ZMYND11: variants seen among roughly 807,000 people sequenced by gnomAD.
The protein encoded by ZMYND11 is zinc finger MYND domain-containing protein 11.
Under a neutral mutation model 84.9 loss-of-function variants are expected in ZMYND11, and 9 were observed. The observed-to-expected ratio is 0.11, with a 90% confidence interval of 0.06 to 0.18. ZMYND11 has a LOEUF of 0.18. Ranked by LOEUF, ZMYND11 falls within the 10% of genes least tolerant of loss-of-function variation. The probability of loss-of-function intolerance (pLI) is 1.00; values close to 1 mark genes in which losing one functional copy is unlikely to be tolerated. For missense variants in ZMYND11, 409 were observed against 761.0 expected (o/e 0.54, Z 5.44); for synonymous variants, 250 against 244.1 (o/e 1.02, Z -0.23).
intron 1 of ZMYND11, among the ~76,000 whole-genome samples, chr10:138,880 G>T (rs1836790732): frequency 6.6e-6 from 1 of 152,098 alleles, no homozygotes; most frequent in Non-Finnish European, 1.5e-5. Flanking sequence ...CTCTCGCTCT[G>T]TCGCCCAGGC....
At position 240,099 on chromosome 10, in the gene ZMYND11, C is replaced by CA; in HGVS notation, c.742dup (p.Thr248AsnfsTer4). 1 of 1,610,910 alleles carries CA rather than the reference C, an allele frequency of 6.2e-7. No individual in the cohort carries two copies. The stretch of plus-strand genomic sequence containing the variant: ...ACATTGCGAGGATGCTATATAAAGA[C>CA]ACATGTCATGAGGTACTATTCATTG... On this transcript the variant is annotated frameshift_variant, in exon 8 of 15. Coordinates refer to ENST00000381604, the MANE Select transcript of ZMYND11 (RefSeq NM_001370100.5). LOFTEE classifies it high-confidence loss of function.
intron 2 of ZMYND11, among the ~76,000 whole-genome samples, chr10:183,488 C>G (rs968469306): frequency 1.3e-5 from 2 of 152,098 alleles, no homozygotes; most frequent in African/African-American, 2.4e-5. Context: ...GACGCTAGAT[C>G]CAGGAACTCA....
chr10:221,031 A>G (rs557393242), intron 3 of ZMYND11, among the ~76,000 whole-genome samples, 164 bp from the exon 4 acceptor site: 2 of 152,330 alleles, frequency 1.3e-5, no homozygotes, highest in East Asian at 1.9e-4. Context: ...TTTAAAATTT[A>G]AAGCAGCAAC....
At chr10:142,755 G>A (rs1209482199) in intron 1 of ZMYND11, among the ~76,000 whole-genome samples, 1 of 152,182 alleles carries the variant, frequency 6.6e-6, no homozygotes, top group African/African-American at 2.4e-5. Flanking sequence ...ATAAAAGCAG[G>A]AGGTAGAAAG....
At chr10:245,808 C>G (rs1429533407) in intron 10 of ZMYND11, among the ~76,000 whole-genome samples, 2 of 152,176 alleles carry the variant, frequency 1.3e-5, no homozygotes, top group Admixed American at 6.5e-5. Context: ...TTCTTTCTGA[C>G]AAAATTGTAA....
intron 1 of ZMYND11, among the ~76,000 whole-genome samples, chr10:179,235 A>G (rs1429626053): frequency 1.3e-5 from 2 of 152,172 alleles, no homozygotes; most frequent in African/African-American, 2.4e-5. Context: ...CCGGACATCC[A>G]GGGTTTAACC....
intron 1 of ZMYND11, among the ~76,000 whole-genome samples, chr10:177,765 C>T (rs1315505283): frequency 6.6e-6 from 1 of 151,982 alleles, no homozygotes; most frequent in Non-Finnish European, 1.5e-5. Context: ...GTTACCTATA[C>T]CTATATGTAT....
intron 11 of ZMYND11, 162 bp downstream of exon 11, chr10:247,135 A>T: frequency 2.5e-6 from 2 of 802,696 alleles, no homozygotes; most frequent in Non-Finnish European, 4.0e-6. Flanking sequence ...GTTCAAATGA[A>T]TACATAGATG....
intron 3 of ZMYND11, 109 bp downstream of exon 3, chr10:210,157 A>C: frequency 8.0e-7 from 1 of 1,242,304 alleles, no homozygotes; most frequent in Non-Finnish European, 1.1e-6. Flanking sequence ...ATTTCATTTT[A>C]ACATTTGTAT....
intron 1 of ZMYND11, among the ~76,000 whole-genome samples, chr10:136,579 C>G (rs1400584072): frequency 6.6e-6 from 1 of 152,104 alleles, no homozygotes; most frequent in East Asian, 1.9e-4. Context: ...CAGTAGGTGC[C>G]TGGTACCCTG....
rs1835771974 is a variant in ZMYND11, at chr10:135,602, G to T, written c.-20+43G>T. 6.7e-6 allele frequency: 1 copy of T among 150,146 alleles called. No homozygotes were observed. Among genetic ancestry groups the T allele is most frequent in the African/African-American group, 2.4e-5 (1 of 40,978 alleles). 9.3% of individuals were successfully genotyped at this position (150,146 alleles called of 1,614,324 possible). A position where few individuals can be genotyped will look rare whatever the true frequency, so the allele number is the denominator to read the frequency against. ...GCGGGGCGGCGGGGCGGGCGGGGGC[G>T]TCCGTGGAGATGGCGCGGCCCGCGC... On this transcript the variant is annotated intron_variant, in intron 1 of 14. Transcript: ENST00000381604. The surrounding 1 kb of genome is among the most constrained non-coding windows in gnomAD (Gnocchi z 5.6).
chr10:248,506 G>A lies in ZMYND11; in HGVS notation c.1398G>A (p.Met466Ile). 1 of 1,614,148 alleles carries A rather than the reference G, an allele frequency of 6.2e-7. No individual in the cohort carries two copies. Among genetic ancestry groups the A allele is most frequent in the African/African-American group, 1.3e-5 (1 of 75,026 alleles). Reference protein sequence around the residue: ...QTTNDGVCQSMCHDKYTKIFN... With the variant: ...QTTNDGVCQSICHDKYTKIFN... ...CAAACGACGGCGTGTGTCAGAGCAT[G>A]TGCCATGACAAATACACCAAGATCT... is the stretch of plus-strand genomic sequence containing the variant. Residue 466 changes from methionine (M) to isoleucine (I), a missense_variant, in exon 13 of 15, where the codon ATG becomes ATA. By Grantham distance (10) the Met-to-Ile change is conservative. Around this residue, in one of 7 missense-constraint regions of ZMYND11, gnomAD observed 141 missense variants for 173.8 expected, o/e 0.81. Transcript: ENST00000381604.
At chr10:218,429 A>G in intron 3 of ZMYND11, 1 of 291,750 alleles carries the variant, frequency 3.4e-6, no homozygotes, top group Non-Finnish European at 7.2e-6. Flanking sequence ...AGCGAGACCA[A>G]GATTATTTTG....
chr10:187,410 G>A (rs1176022640), intron 2 of ZMYND11, among the ~76,000 whole-genome samples: 5 of 152,068 alleles, frequency 3.3e-5, no homozygotes, highest in South Asian at 4.1e-4. Flanking sequence ...CGAGGCGGGC[G>A]GATCACAAGG....
chr10:172,951 T>C (rs575112456), intron 1 of ZMYND11, among the ~76,000 whole-genome samples: 1 of 152,060 alleles, frequency 6.6e-6, no homozygotes, highest in East Asian at 1.9e-4. Context: ...CAGTTCAACT[T>C]TTACCAAGGA....
intron 2 of ZMYND11, among the ~76,000 whole-genome samples, chr10:185,902 A>G (rs1938254513): frequency 6.6e-6 from 1 of 152,154 alleles, no homozygotes; most frequent in Non-Finnish European, 1.5e-5. Flanking sequence ...AGCCAAAAGC[A>G]AATAATTCCT....
intron 3 of ZMYND11, among the ~76,000 whole-genome samples, chr10:219,388 A>G (rs987736267): frequency 2.0e-5 from 3 of 152,250 alleles, no homozygotes; most frequent in South Asian, 2.1e-4. Flanking sequence ...TGAGTCAAAT[A>G]TAAGCCACCA....
At position 171,275 on chromosome 10, in the gene ZMYND11, A is replaced by G. The variant is rs898573198; in HGVS notation, c.-19-8719A>G. Among the ~76,000 whole-genome samples, 7 of 152,200 alleles carry G rather than the reference A, an allele frequency of 4.6e-5. No homozygotes were observed. In the South Asian group the frequency reaches 1.4e-3, roughly 32 times the overall value. ...AAATAGATTGATCTAGCAGGCAGAA[A>G]GTTGGTAAGGACGTAGTTGAACTCA... On this transcript the variant is annotated intron_variant, in intron 1 of 14. Transcript: ENST00000381604.
chr10:193,348 A>G (rs1376580977), intron 2 of ZMYND11, among the ~76,000 whole-genome samples: 2 of 152,212 alleles, frequency 1.3e-5, no homozygotes, highest in Non-Finnish European at 2.9e-5. Flanking sequence ...AGCATTCCAT[A>G]TAGTTAAATT....
Sources: gnomAD v4.1 joint callset for allele counts (sites outside exome capture counted in the v4.1 genomes callset) on GRCh38, gnomAD v4.1.1 for gene constraint, gnomAD v4.1.1 regional missense constraint, Gnocchi (gnomAD v3.1) non-coding constraint, MANE v1.5 for transcripts, NCBI Gene and HGNC (gene_info 2026-07-23, HGNC 2026-07-21) for gene names.